GRID1: variants seen among roughly 807,000 people sequenced by gnomAD.
The protein encoded by GRID1 is glutamate receptor ionotropic, delta-1.
Under a neutral mutation model 98.0 loss-of-function variants are expected in GRID1, and 28 were observed. The ratio of observed to expected loss-of-function variants is 0.29; its 90% CI spans 0.21 to 0.39. The LOEUF is 0.39. Among genes scored for constraint, GRID1 ranks in the 10% least tolerant of loss-of-function variants. GRID1 has a pLI of 1.00. For synonymous variants in GRID1, 553 were observed against 538.5 expected (o/e 1.03, Z -0.37); for missense variants, 1,111 against 1,340.5 (o/e 0.83, Z 2.67).
Position 85,879,721 on chromosome 10 carries a change from C to T in GRID1, c.781-10541G>A, listed in dbSNP as rs1346715763. ...ATCACAATTAAAAGAACTAGAAAACCAAGAGCAAATACATTCAAAAGCTAG... is the reference window on the plus strand; with the variant it reads ...ATCACAATTAAAAGAACTAGAAAACTAAGAGCAAATACATTCAAAAGCTAG... On this transcript the variant is annotated intron_variant, in intron 5 of 15. Transcript: ENST00000327946. Among the ~76,000 whole-genome samples the T allele has an allele frequency of 4.6e-5, 7 of 152,166 alleles. No homozygotes were observed. The East Asian group carries it at 1.4e-3, about 29-fold the overall frequency.
chr10:85,605,884 C>G (rs933468009), intron 15 of GRID1: 4 of 152,228 alleles, frequency 2.6e-5, no homozygotes, highest in Non-Finnish European at 5.9e-5. Flanking sequence ...TCGGGGAAGA[C>G]AGACCAGCCA....
At chr10:85,994,633 T>C (rs1842719756) in intron 4 of GRID1, among the ~76,000 whole-genome samples, 1 of 152,192 alleles carries the variant, frequency 6.6e-6, no homozygotes, top group Admixed American at 6.5e-5. Context: ...TGGTGAGCTG[T>C]TAGATACTCA....
intron 3 of GRID1, among the ~76,000 whole-genome samples, chr10:86,169,204 T>C (rs1023982305): frequency 1.3e-5 from 2 of 152,190 alleles, no homozygotes; most frequent in Admixed American, 1.3e-4. Context: ...CTGGAAACAC[T>C]GCCCTGAGAT....
At position 86,305,606 on chromosome 10, in the gene GRID1, T is replaced by G. The variant is rs1015565472; in HGVS notation, c.235+58335A>C. Among the ~76,000 whole-genome samples, 10 of 152,134 alleles carry G rather than the reference T, an allele frequency of 6.6e-5. 1 individual carries two copies. The highest frequency in any genetic ancestry group is 1.9e-4 in the African/African-American group (8 of 41,428). ...GTGGGGAGGAGTGAGGGCCTCTGCA[T>G]GCAGACATTTCTCGGTTTGCCCCCC... On this transcript the variant is annotated intron_variant, in intron 2 of 15. Coordinates refer to ENST00000327946, the MANE Select transcript of GRID1 (RefSeq NM_017551.3).
intron 8 of GRID1, among the ~76,000 whole-genome samples, chr10:85,758,313 G>C (rs1020786656): frequency 1.2e-4 from 19 of 152,208 alleles, no homozygotes; most frequent in African/African-American, 4.6e-4. Context: ...TTTGGACAGA[G>C]TTTGACAACA....
intron 2 of GRID1, among the ~76,000 whole-genome samples, chr10:86,274,161 A>C (rs1423415660): frequency 6.6e-6 from 1 of 151,802 alleles, no homozygotes; most frequent in East Asian, 1.9e-4. Context: ...ACCATTTATT[A>C]AATAGGGAAT....
chr10:86,142,050 C>T (rs1226595754), intron 3 of GRID1, among the ~76,000 whole-genome samples: 1 of 152,226 alleles, frequency 6.6e-6, no homozygotes, highest in Non-Finnish European at 1.5e-5. Flanking sequence ...TTGTGCATTT[C>T]CATTTCCACT....
intron 4 of GRID1, among the ~76,000 whole-genome samples, chr10:86,024,977 G>A (rs1242992400): frequency 1.3e-5 from 2 of 152,222 alleles, no homozygotes; most frequent in African/African-American, 4.8e-5. Flanking sequence ...AAGCTAGCCT[G>A]AGGAGTTTGC....
chr10:85,653,296 G>A (rs1356828938), intron 12 of GRID1, among the ~76,000 whole-genome samples: 1 of 152,220 alleles, frequency 6.6e-6, no homozygotes, highest in African/African-American at 2.4e-5. Flanking sequence ...AAATGATGGA[G>A]GCATTGATTA....
Position 86,247,367 on chromosome 10 carries a change from A to AGATG in GRID1, c.236-40723_236-40720dup, listed in dbSNP as rs754410984. ...TAGATGGAAAGACAGAGGGATGGAC[A>AGATG]GATGGATGGATGGATGGATGATGGA... On this transcript the variant is annotated intron_variant, in intron 2 of 15. Transcript: ENST00000327946. Among the ~76,000 whole-genome samples, 8 of 151,612 alleles carry AGATG rather than the reference A, an allele frequency of 5.3e-5. No individual in the cohort carries two copies. The East Asian group carries it at 5.9e-4, about 11-fold the overall frequency.
At chr10:86,207,632 T>C (rs1032349594) in intron 2 of GRID1, among the ~76,000 whole-genome samples, 2 of 138,924 alleles carry the variant, frequency 1.4e-5, no homozygotes, top group African/African-American at 5.2e-5. Flanking sequence ...CAGTTTCTTT[T>C]TTTTTTTTTT....
chr10:85,773,077 A>C (rs1037989378), intron 8 of GRID1, among the ~76,000 whole-genome samples: 2 of 152,216 alleles, frequency 1.3e-5, no homozygotes, highest in Non-Finnish European at 2.9e-5. Context: ...ATCCTCAATA[A>C]AATACTGGCA....
At chr10:85,754,026 G>GA (rs200163214) in intron 8 of GRID1, among the ~76,000 whole-genome samples, 223 of 151,180 alleles carry the variant, frequency 1.5e-3, no homozygotes, top group African/African-American at 5.0e-3. Context: ...TAAGTTTTAA[G>GA]AAAAAAAAAC....
chr10:86,306,645 G>A (rs761321047), intron 2 of GRID1, among the ~76,000 whole-genome samples: 36 of 152,168 alleles, frequency 2.4e-4, no homozygotes, highest in Admixed American at 1.8e-3. Context: ...TCGGAGCAGT[G>A]AAGAAAGGAG....
At chr10:86,144,744 G>A (rs573282616) in intron 3 of GRID1, among the ~76,000 whole-genome samples, 2 of 151,968 alleles carry the variant, frequency 1.3e-5, no homozygotes, top group South Asian at 2.1e-4. Context: ...TCCTTCACAC[G>A]CTCCCGGTCA....
intron 14 of GRID1, among the ~76,000 whole-genome samples, chr10:85,618,911 T>C (rs1303044694): frequency 1.3e-5 from 2 of 152,214 alleles, no homozygotes; most frequent in African/African-American, 4.8e-5. Context: ...TTATGAGGAC[T>C]CTCACGTCTC....
chr10:86,096,554 C>T (rs907272217), intron 4 of GRID1, among the ~76,000 whole-genome samples: 5 of 152,218 alleles, frequency 3.3e-5, no homozygotes, highest in African/African-American at 1.2e-4. Context: ...GCACACAATG[C>T]TTCTGCAAAA....
At chr10:86,257,957 C>T (rs1369960308) in intron 2 of GRID1, among the ~76,000 whole-genome samples, 1 of 152,184 alleles carries the variant, frequency 6.6e-6, no homozygotes, top group Non-Finnish European at 1.5e-5. Flanking sequence ...CAGCAATGAG[C>T]AAAACACATG....
chr10:86,329,226 C>T (rs1185739802), intron 2 of GRID1, among the ~76,000 whole-genome samples: 1 of 152,266 alleles, frequency 6.6e-6, no homozygotes, highest in Non-Finnish European at 1.5e-5. Context: ...GCCCCGCTGA[C>T]CACAGACATG....
Sources: allele counts gnomAD v4.1 joint callset (sites outside exome capture counted in the v4.1 genomes callset), GRCh38; gene constraint gnomAD v4.1.1; transcripts MANE v1.5; gene names NCBI Gene and HGNC (gene_info 2026-07-23, HGNC 2026-07-21).